Variants in LDLRAD4 observed in about 807,000 individuals in gnomAD.
The protein encoded by LDLRAD4 is low-density lipoprotein receptor class A domain-containing protein 4.
In LDLRAD4, 5 loss-of-function variants were observed where a neutral mutation model predicts 17.0. The observed-to-expected ratio is 0.29, with a 90% CI of 0.15 to 0.62. LDLRAD4 has a LOEUF of 0.62. Ranked by LOEUF, LDLRAD4 falls within the 20% of genes least tolerant of loss-of-function variation. The pLI is 0.84. For missense variants in LDLRAD4, 340 were observed against 424.7 expected, an observed-to-expected ratio of 0.80 and a Z score of 1.75; for synonymous variants, 168 against 171.8, an observed-to-expected ratio of 0.98 and a Z score of 0.17.
chr18:13,361,429 C>G (rs1443347055), intron 1 of LDLRAD4, among the ~76,000 whole-genome samples: 1 of 152,172 alleles, frequency 6.6e-6, no homozygotes, highest in Non-Finnish European at 1.5e-5. Flanking sequence ...TTTCCTTATA[C>G]TATAAGCATT....
chr18:13,290,197 A>G (rs1047361287), intron 1 of LDLRAD4, among the ~76,000 whole-genome samples: 12 of 152,124 alleles, frequency 7.9e-5, no homozygotes, highest in African/African-American at 2.9e-4. Context: ...GTTTCCCCAT[A>G]ATTCTCAGGG....
intron 1 of LDLRAD4, among the ~76,000 whole-genome samples, chr18:13,306,230 G>A (rs1346498576): frequency 6.6e-6 from 1 of 152,246 alleles, no homozygotes; most frequent in East Asian, 1.9e-4. Context: ...TGCAAATGCA[G>A]TTGGGTTTAT....
At position 13,247,333 on chromosome 18, in the gene LDLRAD4, G is replaced by T. The variant is rs199968578; in HGVS notation, c.-467+28345G>T. ...AGGCATTAACATCATATGTAATCAT[G>T]GCACGCGTATCACAACTAAGAAATT... On this transcript the variant is annotated intron_variant, in intron 1 of 5. Coordinates refer to the LDLRAD4 transcript ENST00000399848. Among the ~76,000 whole-genome samples the T allele has an allele frequency of 0.031, 4,643 of 152,156 alleles. 335 individuals are homozygous for T. The East Asian group carries it at 0.32, about 10-fold the overall frequency.
At chr18:13,279,874 T>C (rs1345799480) in intron 1 of LDLRAD4, 2 of 152,244 alleles carry the variant, frequency 1.3e-5, no homozygotes, top group African/African-American at 2.4e-5. Flanking sequence ...ACCTCTAAAA[T>C]AGGTTCTTAC....
rs555528149 is a variant in LDLRAD4 at position 13,648,823 on chromosome 18, G to T, written c.*3166G>T. ...TTGTTCCCGGTGTAGGAGACCCAAG[G>T]CATCTTGAATCCCATCTATAAGAAC... On this transcript the variant is annotated 3_prime_UTR_variant, in exon 6 of 6. Transcript: ENST00000359446. 5 of 152,260 alleles carry T rather than the reference G, an allele frequency of 3.3e-5. No homozygotes were observed. In the East Asian group the frequency reaches 9.6e-4, roughly 29 times the overall value. The allele number at this position is 152,260 out of a possible 1,614,324, so 9.4% of individuals were successfully genotyped here.
intron 1 of LDLRAD4, among the ~76,000 whole-genome samples, chr18:13,250,040 A>G (rs931293752): frequency 6.6e-6 from 1 of 152,208 alleles, no homozygotes. Flanking sequence ...GGTTTGTTAC[A>G]TAGGTAAACG....
At chr18:13,286,037 G>T (rs2045602218) in intron 1 of LDLRAD4, among the ~76,000 whole-genome samples, 1 of 152,134 alleles carries the variant, frequency 6.6e-6, no homozygotes, top group South Asian at 2.1e-4. Context: ...TCCATTTCCA[G>T]AACTCTCTCC....
At chr18:13,344,433 T>A (rs1451496916) in intron 1 of LDLRAD4, among the ~76,000 whole-genome samples, 1 of 152,206 alleles carries the variant, frequency 6.6e-6, no homozygotes, top group East Asian at 1.9e-4. Context: ...TTCTGTTCCA[T>A]TGGTCTATAT....
intron 1 of LDLRAD4, among the ~76,000 whole-genome samples, chr18:13,306,155 G>A (rs2046901179): frequency 6.6e-6 from 1 of 152,190 alleles, no homozygotes; most frequent in African/African-American, 2.4e-5. Context: ...GGAAAAAAAA[G>A]CTACAAAGGA....
chr18:13,642,281 C>T (rs1014668852), intron 4 of LDLRAD4: 1 of 988,846 alleles, frequency 1.0e-6, no homozygotes, highest in Non-Finnish European at 1.2e-6. Flanking sequence ...CGCCCGTTTC[C>T]GAGAATTCCC....
At chr18:13,620,558 T>C (rs1227045802) in intron 3 of LDLRAD4, among the ~76,000 whole-genome samples, 1 of 152,194 alleles carries the variant, frequency 6.6e-6, no homozygotes, top group Non-Finnish European at 1.5e-5. Context: ...AGTCACTCTG[T>C]GTTGCTGGAC....
At chr18:13,576,295 G>A (rs1490103751) in intron 3 of LDLRAD4, among the ~76,000 whole-genome samples, 1 of 151,918 alleles carries the variant, frequency 6.6e-6, no homozygotes, top group Non-Finnish European at 1.5e-5. Flanking sequence ...GGTGGCGGGC[G>A]CCTGTAGTCC....
intron 1 of LDLRAD4, among the ~76,000 whole-genome samples, chr18:13,350,150 A>G (rs1313362949): frequency 6.6e-6 from 1 of 152,168 alleles, no homozygotes; most frequent in Non-Finnish European, 1.5e-5. Flanking sequence ...ATACCTAGTA[A>G]TGGGACTGCT....
Position 13,621,429 on chromosome 18 carries a change from A to T in LDLRAD4, c.336+158A>T, listed in dbSNP as rs746675323. On this transcript the variant is annotated intron_variant, in intron 4 of 5. Coordinates refer to ENST00000359446, the Ensembl canonical transcript of LDLRAD4. The surrounding 1 kb of genome is among the most constrained non-coding windows in gnomAD (Gnocchi z 5.5). ...CCACTTAGTGAGTCCCCACAAACTG[A>T]ACACACCAGTGTGACCAGCACCCAG... is the stretch of plus-strand genomic sequence containing the variant. 1.3e-5 allele frequency among the ~76,000 whole-genome samples: 2 copies of T among 152,194 alleles called. No individual in the cohort carries two copies. Among genetic ancestry groups the T allele is most frequent in the Non-Finnish European group, 2.9e-5 (2 of 68,038 alleles).
At chr18:13,229,470 G>A (rs770308603) in intron 1 of LDLRAD4, among the ~76,000 whole-genome samples, 1 of 152,218 alleles carries the variant, frequency 6.6e-6, no homozygotes. Flanking sequence ...CGTGAGCCAA[G>A]TGTGTACTCG....
At chr18:13,323,293 C>A (rs1026947904) in intron 1 of LDLRAD4, among the ~76,000 whole-genome samples, 1 of 152,256 alleles carries the variant, frequency 6.6e-6, no homozygotes, top group Non-Finnish European at 1.5e-5. Flanking sequence ...CGCCACTGCG[C>A]CTGGCTGCAG....
At chr18:13,557,759 A>G (rs2094499322) in intron 3 of LDLRAD4, among the ~76,000 whole-genome samples, 1 of 152,180 alleles carries the variant, frequency 6.6e-6, no homozygotes. Context: ...AGAATTGTAA[A>G]ACACTTAGTA....
chr18:13,386,950 G>A (rs8083178), intron 1 of LDLRAD4, among the ~76,000 whole-genome samples: 63 of 77,196 alleles, frequency 8.2e-4, no homozygotes, highest in African/African-American at 1.6e-3. Flanking sequence ...ATAGATAGAT[G>A]GATGGATGGA....
chr18:13,559,949 C>G (rs1601384994), intron 3 of LDLRAD4, among the ~76,000 whole-genome samples: 3 of 152,128 alleles, frequency 2.0e-5, no homozygotes, highest in African/African-American at 7.2e-5. Flanking sequence ...AGATGTTGGT[C>G]TGCCGTTGCA....
Sources: gnomAD v4.1 joint callset for allele counts (sites outside exome capture counted in the v4.1 genomes callset) on GRCh38, gnomAD v4.1.1 for gene constraint, Gnocchi (gnomAD v3.1) non-coding constraint, MANE v1.5 for transcripts, NCBI Gene and HGNC (gene_info 2026-07-23, HGNC 2026-07-21) for gene names.